C8orf88: variants seen among roughly 807,000 people sequenced by gnomAD.
C8orf88 encodes uncharacterized protein C8orf88.
In C8orf88, 14 loss-of-function variants were observed where a neutral mutation model predicts 18.4. The ratio of observed to expected loss-of-function variants is 0.76; its 90% CI spans 0.50 to 1.19. The LOEUF (loss-of-function observed/expected upper bound fraction) is 1.19, where lower values mean the gene tolerates loss of function less well. Among genes scored for constraint, C8orf88 ranks in the 50% most tolerant of loss-of-function variants. C8orf88 has a pLI of 0.00. For synonymous variants in C8orf88, 45 were observed against 42.9 expected (o/e 1.05, Z -0.19); for missense variants, 116 against 134.7 (o/e 0.86, Z 0.69).
chr8:90,972,361 C>T (rs1443671980), intron 3 of C8orf88, among the ~76,000 whole-genome samples: 1 of 151,734 alleles, frequency 6.6e-6, no homozygotes, highest in African/African-American at 2.4e-5. Flanking sequence ...TTTGGGTTCT[C>T]CAAAGTTCTT....
At position 90,965,560 on chromosome 8, in the gene C8orf88, T is replaced by C. The variant is rs1471084393; in HGVS notation, c.224-4712A>G. 2.6e-5 allele frequency among the ~76,000 whole-genome samples: 4 copies of C among 151,956 alleles called. No homozygotes were observed. In the East Asian group the frequency reaches 7.8e-4, roughly 29 times the overall value. ...AACAACAGCAGAATATACATTCTTCTGAAGCACACATGGAACCACAGCACA... is the reference window on the plus strand; with the variant it reads ...AACAACAGCAGAATATACATTCTTCCGAAGCACACATGGAACCACAGCACA... On this transcript the variant is annotated intron_variant, in intron 4 of 5. Transcript: ENST00000517562.
intron 4 of C8orf88, among the ~76,000 whole-genome samples, chr8:90,966,821 A>AAG (rs974646558): frequency 1.0e-3 from 156 of 151,930 alleles, no homozygotes; most frequent in Non-Finnish European, 1.9e-3. Flanking sequence ...AAAATAGCAA[A>AAG]AGATGAAAAT....
At chr8:90,979,850 T>C (rs1301956912) in intron 2 of C8orf88, among the ~76,000 whole-genome samples, 1 of 152,230 alleles carries the variant, frequency 6.6e-6, no homozygotes, top group Non-Finnish European at 1.5e-5. Context: ...TTTTAGAATG[T>C]TTAAAATAGA....
intron 5 of C8orf88, 156 bp from the exon 6 acceptor site, chr8:90,959,186 C>T: frequency 2.5e-6 from 1 of 405,114 alleles, no homozygotes; most frequent in Non-Finnish European, 4.4e-6. Flanking sequence ...TGTCAAATAA[C>T]AAAACGGCTC....
intron 1 of C8orf88, among the ~76,000 whole-genome samples, chr8:90,982,476 G>C (rs1459005918): frequency 6.6e-6 from 1 of 152,080 alleles, no homozygotes; most frequent in African/African-American, 2.4e-5. Context: ...ACACTTCGTT[G>C]TTTTTCATTG....
At chr8:90,970,339 TATG>T (rs1811265426) in intron 4 of C8orf88, among the ~76,000 whole-genome samples, 1 of 152,076 alleles carries the variant, frequency 6.6e-6, no homozygotes, top group Non-Finnish European at 1.5e-5. Context: ...TATTTAGAAA[TATG>T]AGGATAAATA....
At chr8:90,972,312 T>C (rs996846424) in intron 3 of C8orf88, among the ~76,000 whole-genome samples, 9 of 152,010 alleles carry the variant, frequency 5.9e-5, no homozygotes, top group African/African-American at 2.2e-4. Flanking sequence ...TTAGTAGAGC[T>C]TTTTAAGTAG....
chr8:90,960,343 T>C (rs1275935188), intron 5 of C8orf88, among the ~76,000 whole-genome samples: 1 of 151,414 alleles, frequency 6.6e-6, no homozygotes, highest in African/African-American at 2.4e-5. Flanking sequence ...GCCACAAAGA[T>C]GTCAGAGAAG....
chr8:90,979,413 A>C (rs932538026), intron 2 of C8orf88, among the ~76,000 whole-genome samples: 12 of 152,242 alleles, frequency 7.9e-5, no homozygotes, highest in Admixed American at 1.3e-4. Flanking sequence ...CTGCACCAGA[A>C]GTATACAGAA....
At chr8:90,968,208 G>T (rs978281332) in intron 4 of C8orf88, among the ~76,000 whole-genome samples, 6 of 151,748 alleles carry the variant, frequency 4.0e-5, no homozygotes, top group African/African-American at 1.5e-4. Flanking sequence ...ATGTGGTACT[G>T]ACATAAGGGC....
intron 4 of C8orf88, among the ~76,000 whole-genome samples, chr8:90,968,458 A>G (rs1199368858): frequency 6.6e-6 from 1 of 151,384 alleles, no homozygotes; most frequent in African/African-American, 2.4e-5. Flanking sequence ...TAAATGCCAG[A>G]GCTAAAACTA....
chr8:90,984,737 G>A (rs2130331478), intron 1 of C8orf88, among the ~76,000 whole-genome samples: 1 of 152,256 alleles, frequency 6.6e-6, no homozygotes, highest in African/African-American at 2.4e-5. Flanking sequence ...TTGTGCCACC[G>A]GGTGGAGGGG....
At chr8:90,983,410 G>T (rs1811461323) in intron 1 of C8orf88, among the ~76,000 whole-genome samples, 1 of 151,710 alleles carries the variant, frequency 6.6e-6, no homozygotes, top group African/African-American at 2.4e-5. Context: ...AAATCAGTTA[G>T]TTATTTACAG....
chr8:90,983,170 A>G (rs1044327776), intron 1 of C8orf88, among the ~76,000 whole-genome samples: 2 of 152,128 alleles, frequency 1.3e-5, no homozygotes, highest in Admixed American at 6.5e-5. Flanking sequence ...TGCCTACAAC[A>G]TTGGGTAGCA....
chr8:90,978,642 G>C lies in C8orf88; in HGVS notation c.84C>G (p.Phe28Leu). The C allele has an allele frequency of 6.6e-7, 1 of 1,522,748 alleles. No individual in the cohort carries two copies. The highest frequency in any genetic ancestry group is 8.8e-7 in the Non-Finnish European group (1 of 1,138,648). 94.3% of individuals were successfully genotyped at this position (1,522,748 alleles called of 1,614,324 possible). A position where few individuals can be genotyped will look rare whatever the true frequency, so the allele number is the denominator to read the frequency against. ...RHLTSPPGAV[F>L]PFNFQNEYPC... ...GATATTCGTTTTGAAAGTTGAAAGG[G>C]AACACTGCTCCTGTTAGGAGAGGAA... Residue 28 changes from phenylalanine to leucine, a missense_variant, in exon 3 of 6, where the codon TTC becomes TTG. Coordinates refer to ENST00000517562, the MANE Select transcript of C8orf88 (RefSeq NM_001190972.2).
rs117352393 is a variant in C8orf88 at position 90,984,512 on chromosome 8, A to G, written c.-27+602T>C. On this transcript the variant is annotated intron_variant, in intron 1 of 5. Coordinates refer to ENST00000517562, the MANE Select transcript of C8orf88 (RefSeq NM_001190972.2). ...ATTAAAACGAAAATATCAAAAAACTAGAAGCTTGGAGAGTTCCAACATATC... is the reference window on the plus strand; with the variant it reads ...ATTAAAACGAAAATATCAAAAAACTGGAAGCTTGGAGAGTTCCAACATATC... Among the ~76,000 whole-genome samples the G allele has an allele frequency of 4.5e-3, 689 of 152,316 alleles. 4 individuals carry two copies. The highest frequency in any genetic ancestry group is 7.6e-3 in the Non-Finnish European group (514 of 68,032).
rs183284992 is a variant in C8orf88 at position 90,965,821 on chromosome 8, T to C, written c.224-4973A>G. Among the ~76,000 whole-genome samples, 141 of 151,728 alleles carry C rather than the reference T, an allele frequency of 9.3e-4. 1 individual carries two copies. The highest frequency in any genetic ancestry group is 1.2e-3 in the Non-Finnish European group (81 of 67,790). ...AATAAACAACAGGGGACTTAGAAAA[T>C]ATGTGACAAATGAAAGCAAAGTCAC... On this transcript the variant is annotated intron_variant, in intron 4 of 5. Coordinates refer to ENST00000517562, the MANE Select transcript of C8orf88 (RefSeq NM_001190972.2).
intron 1 of C8orf88, among the ~76,000 whole-genome samples, chr8:90,980,863 AT>A (rs891252150): frequency 2.0e-5 from 3 of 151,684 alleles, no homozygotes; most frequent in Non-Finnish European, 2.9e-5. Flanking sequence ...CAGCTAATAT[AT>A]TTTTTTTAAA....
At chr8:90,980,865 T>A (rs185435950) in intron 1 of C8orf88, among the ~76,000 whole-genome samples, 5 of 152,074 alleles carry the variant, frequency 3.3e-5, no homozygotes, top group East Asian at 3.9e-4. Flanking sequence ...GCTAATATAT[T>A]TTTTTTAAAG....
Sources: gnomAD v4.1 joint callset for allele counts (sites outside exome capture counted in the v4.1 genomes callset) on GRCh38, gnomAD v4.1.1 for gene constraint, MANE v1.5 for transcripts, NCBI Gene and HGNC (gene_info 2026-07-23, HGNC 2026-07-21) for gene names.